Variants in SNX13 observed in about 807,000 individuals in gnomAD.
SNX13 encodes the protein sorting nexin 13.
In SNX13, 45 loss-of-function variants were observed where a neutral mutation model predicts 133.6. The observed-to-expected ratio is 0.34, with a 90% CI of 0.27 to 0.43. The LOEUF is 0.43. Ranked by LOEUF, SNX13 falls within the 20% of genes least tolerant of loss-of-function variation. SNX13 has a pLI of 1.00. For missense variants in SNX13, 1,032 were observed against 1,145.1 expected (o/e 0.90, Z 1.43); for synonymous variants, 414 against 373.9 (o/e 1.11, Z -1.24).
rs759307869 is a variant in SNX13, at chr7:17,850,361, A to G, written c.1051T>C (p.Leu351=). The change falls in exon 11 of 26, where the codon TTG becomes CTG. Residue 351 remains leucine, a synonymous_variant. Transcript: ENST00000428135. ...KKVCDSRIQR[L]QSGKEINTVK... ...ACTTTACTTACTTTGCCTGACTGCA[A>G]TCGCTGTATTCTTGAGTCACATACC... 9 of 1,596,584 alleles carry G rather than the reference A, an allele frequency of 5.6e-6. No homozygotes were observed. Among genetic ancestry groups the G allele is most frequent in the African/African-American group, 1.3e-5 (1 of 74,570 alleles).
intron 5 of SNX13, chr7:17,881,180 T>C (rs1795292640): frequency 6.6e-6 from 1 of 151,896 alleles, no homozygotes; most frequent in Non-Finnish European, 1.5e-5. Context: ...ACAGTAAGAA[T>C]GGTAGAGTAT....
At chr7:17,823,276 T>C (rs1335683006) in intron 17 of SNX13, among the ~76,000 whole-genome samples, 1 of 152,228 alleles carries the variant, frequency 6.6e-6, no homozygotes, top group Non-Finnish European at 1.5e-5. Context: ...GAAGGCATGA[T>C]ATCTCATAGC....
intron 9 of SNX13, among the ~76,000 whole-genome samples, chr7:17,863,727 G>T (rs1025540150): frequency 3.9e-5 from 6 of 152,218 alleles, no homozygotes; most frequent in African/African-American, 1.2e-4. Flanking sequence ...GTGCTGCTCT[G>T]CAAGGTTTGA....
In SNX13 at chr7:17,916,725, C is replaced by T. The variant is rs374084260; in HGVS notation, c.13-19279G>A. On this transcript the variant is annotated intron_variant, in intron 1 of 25. Coordinates refer to ENST00000428135, the MANE Select transcript of SNX13 (RefSeq NM_015132.5). ...CAGATGGATTCACAGCCAAATTCTA[C>T]CAGATATACAAAGAAGAGTTAGTAA... 2.0e-5 allele frequency among the ~76,000 whole-genome samples: 3 copies of T among 151,084 alleles called. No homozygotes were observed. The East Asian group carries it at 5.8e-4, about 29-fold the overall frequency.
At chr7:17,908,161 T>C (rs1392039746) in intron 1 of SNX13, among the ~76,000 whole-genome samples, 1 of 152,150 alleles carries the variant, frequency 6.6e-6, no homozygotes, top group Non-Finnish European at 1.5e-5. Flanking sequence ...AATTCTAGAG[T>C]TGCCTTGGAT....
In SNX13 at chr7:17,790,896, T is replaced by C. The variant is rs987040969; in HGVS notation, c.*3149A>G. The C allele has an allele frequency of 3.3e-5, 5 of 152,062 alleles. No homozygotes were observed. Among genetic ancestry groups the C allele is most frequent in the Admixed American group, 2.0e-4 (3 of 15,256 alleles). 9.4% of individuals were successfully genotyped at this position (152,062 alleles called of 1,614,324 possible). ...CTTTGTTAAAGAAAGAAAGTATTGA[T>C]AGAACAGTTAGGCACACAGTTGACA... is the stretch of plus-strand genomic sequence containing the variant. On this transcript the variant is annotated 3_prime_UTR_variant, in exon 26 of 26. Coordinates refer to ENST00000428135, the MANE Select transcript of SNX13 (RefSeq NM_015132.5).
intron 1 of SNX13, among the ~76,000 whole-genome samples, chr7:17,904,449 A>T (rs1380152731): frequency 6.6e-6 from 1 of 152,134 alleles, no homozygotes; most frequent in Non-Finnish European, 1.5e-5. Flanking sequence ...ATCAGTGCTT[A>T]ATTCAGCTAA....
At chr7:17,798,936 C>A in intron 23 of SNX13, 73 bp downstream of exon 23, 1 of 1,512,848 alleles carries the variant, frequency 6.6e-7, no homozygotes, top group Non-Finnish European at 8.9e-7. Context: ...AAAGGTTGAG[C>A]AATCTACTTC....
chr7:17,939,615 G>GA (rs950932703), intron 1 of SNX13, among the ~76,000 whole-genome samples: 1 of 152,066 alleles, frequency 6.6e-6, no homozygotes, highest in Non-Finnish European at 1.5e-5. Flanking sequence ...CAGGTCCAAA[G>GA]AAAAAAACTA....
intron 1 of SNX13, chr7:17,897,764 A>G (rs1797365718): frequency 5.9e-6 from 1 of 169,190 alleles, no homozygotes. Context: ...AATACAACAA[A>G]GTATGTACAA....
chr7:17,915,913 C>G (rs1799511514), intron 1 of SNX13, among the ~76,000 whole-genome samples: 1 of 152,116 alleles, frequency 6.6e-6, no homozygotes, highest in African/African-American at 2.4e-5. Context: ...TGTCACAAAG[C>G]AAGTTTCAAC....
chr7:17,930,264 C>T (rs1801246277), intron 1 of SNX13, among the ~76,000 whole-genome samples: 1 of 152,116 alleles, frequency 6.6e-6, no homozygotes. Flanking sequence ...AAAACTGAGG[C>T]TCTGAAACGT....
chr7:17,816,611 C>T (rs935916997), intron 18 of SNX13, among the ~76,000 whole-genome samples: 3 of 151,928 alleles, frequency 2.0e-5, no homozygotes, highest in Non-Finnish European at 4.4e-5. Context: ...TGTGATGAGC[C>T]GAGAGTGTGC....
In SNX13 at chr7:17,794,058, A is replaced by C. The variant is rs766957693; in HGVS notation, c.2861T>G (p.Leu954Trp). Residue 954 changes from leucine (L) to tryptophan (W), a missense_variant, in exon 26 of 26, where the codon TTG (leucine) becomes TGG (tryptophan). By Grantham distance (61) the Leu-to-Trp change is moderately conservative (BLOSUM62 -2). Coordinates refer to ENST00000428135, the MANE Select transcript of SNX13 (RefSeq NM_015132.5). ...QKLQTTQAPSLQKR is the reference protein window; with the variant it reads ...QKLQTTQAPSWQKR ...TAGAGTGGAGTGTCACCTTTTCTGC[A>C]AAGAAGGCGCTTGAGTAGTTTGAAG... is the stretch of plus-strand genomic sequence containing the variant. 6 of 1,611,192 alleles carry C rather than the reference A, an allele frequency of 3.7e-6. No individual in the cohort carries two copies. The Admixed American group carries it at 1.0e-4, about 27-fold the overall frequency.
intron 20 of SNX13, among the ~76,000 whole-genome samples, chr7:17,811,699 A>G (rs890123259): frequency 1.3e-5 from 2 of 152,198 alleles, no homozygotes; most frequent in African/African-American, 4.8e-5. Flanking sequence ...GAGAATCCTA[A>G]GCAAAAAGAT....
intron 5 of SNX13, chr7:17,889,692 G>A (rs1018003547): frequency 6.6e-6 from 1 of 152,032 alleles, no homozygotes; most frequent in African/African-American, 2.4e-5. Context: ...AAACAGGTGT[G>A]AAATAGCCTC....
rs77829995 is a variant in SNX13 at position 17,823,136 on chromosome 7, T to C, written c.1706-1488A>G. ...TATCAAAATCAAGATCCAGTCTTTA[T>C]GCTACTATGAGCCCCTTGCTTTAAC... On this transcript the variant is annotated intron_variant, in intron 17 of 25. Coordinates refer to ENST00000428135, the MANE Select transcript of SNX13 (RefSeq NM_015132.5). Among the ~76,000 whole-genome samples, 1,295 of 152,320 alleles carry C rather than the reference T, an allele frequency of 8.5e-3. 20 individuals are homozygous for C. The highest frequency in any genetic ancestry group is 0.029 in the African/African-American group (1,223 of 41,574).
chr7:17,821,549 T>A lies in SNX13; in HGVS notation c.1805A>T (p.Tyr602Phe), dbSNP rs1232788263. Reference protein sequence around the residue: ...SEEMWKTYRRYSDFHDFHMRI... With the variant: ...SEEMWKTYRRFSDFHDFHMRI... ...CATGTGGAAGTCATGGAAGTCACTA[T>A]AACGACGATAGGTTTTCCACATCTC... Residue 602 changes from tyrosine to phenylalanine, a missense_variant, in exon 18 of 26, where the codon TAT (tyrosine) becomes TTT (phenylalanine). Tyr to Phe is a conservative substitution (Grantham distance 22). Coordinates refer to ENST00000428135, the MANE Select transcript of SNX13 (RefSeq NM_015132.5). 2 of 1,613,494 alleles carry A rather than the reference T, an allele frequency of 1.2e-6. No individual in the cohort carries two copies. The highest frequency in any genetic ancestry group is 1.7e-5 in the Admixed American group (1 of 59,954).
Position 17,791,951 on chromosome 7 carries a change from T to G in SNX13, c.*2094A>C, listed in dbSNP as rs1448289108. ...ACAAAAATTACTTTAAAAATCCATT[T>G]ACTCAAATAGTTTTTGGTATGATTG... is the stretch of plus-strand genomic sequence containing the variant. On this transcript the variant is annotated 3_prime_UTR_variant, in exon 26 of 26. Transcript: ENST00000428135. 5.3e-5 allele frequency: 8 copies of G among 152,144 alleles called. No individual in the cohort carries two copies. The highest frequency in any genetic ancestry group is 8.8e-5 in the Non-Finnish European group (6 of 67,980). The allele number at this position is 152,144 out of a possible 1,614,324, so 9.4% of individuals were successfully genotyped here. A position where few individuals can be genotyped will look rare whatever the true frequency, so the allele number is the denominator to read the frequency against.
Sources: gnomAD v4.1 joint callset for allele counts (sites outside exome capture counted in the v4.1 genomes callset) on GRCh38, gnomAD v4.1.1 for gene constraint, MANE v1.5 for transcripts, NCBI Gene and HGNC (gene_info 2026-07-23, HGNC 2026-07-21) for gene names.